GLIS3: variants seen among roughly 807,000 people sequenced by gnomAD.
GLIS3 encodes the protein GLIS family zinc finger 3, also known as zinc finger protein GLIS3.
GLIS3 carries 53 observed loss-of-function variants against 78.6 expected under a neutral mutation model. The ratio of observed to expected loss-of-function variants is 0.67; its 90% CI spans 0.54 to 0.85. The LOEUF (loss-of-function observed/expected upper bound fraction) is 0.85. GLIS3 is among the 40% of genes least tolerant of loss of function. The probability of loss-of-function intolerance (pLI) is 0.00; values close to 1 mark genes in which losing one functional copy is unlikely to be tolerated. For synonymous variants in GLIS3, 684 were observed against 509.9 expected (o/e 1.34, Z -4.60); for missense variants, 1,703 against 1,231.1 (o/e 1.38, Z -5.74).
At chr9:4,178,508 G>A (rs1040005782) in intron 2 of GLIS3, among the ~76,000 whole-genome samples, 23 of 152,324 alleles carry the variant, frequency 1.5e-4, no homozygotes, top group African/African-American at 5.1e-4. Context: ...GACTGCTGCT[G>A]AATACAAATA....
chr9:4,186,865 G>C (rs1817846827), intron 2 of GLIS3, among the ~76,000 whole-genome samples: 1 of 152,008 alleles, frequency 6.6e-6, no homozygotes, highest in Non-Finnish European at 1.5e-5. Flanking sequence ...TTGTAAATTT[G>C]TTTGAGTTCA....
intron 6 of GLIS3, among the ~76,000 whole-genome samples, chr9:3,909,265 CTATTA>C (rs997276150): frequency 6.6e-6 from 1 of 152,130 alleles, no homozygotes. Context: ...ATGAATTAAC[CTATTA>C]TATTAATTAC....
chr9:4,224,391 T>C (rs1821586250), intron 2 of GLIS3, among the ~76,000 whole-genome samples: 2 of 152,212 alleles, frequency 1.3e-5, no homozygotes, highest in Non-Finnish European at 2.9e-5. Context: ...CAAAGGTGTA[T>C]GAATGTTTAC....
At chr9:4,004,343 G>T (rs1301784107) in intron 4 of GLIS3, among the ~76,000 whole-genome samples, 1 of 152,122 alleles carries the variant, frequency 6.6e-6, no homozygotes, top group Non-Finnish European at 1.5e-5. Context: ...ATAACAGATT[G>T]GATGGAAGTG....
chr9:4,294,049 CCCT>C (rs1316156596), intron 1 of GLIS3, among the ~76,000 whole-genome samples: 1 of 152,146 alleles, frequency 6.6e-6, no homozygotes, highest in African/African-American at 2.4e-5. Flanking sequence ...ATGGTCTTTT[CCCT>C]CCTCCTTTAT....
chr9:4,330,635 G>A (rs1199015673), intron 2 of GLIS3, among the ~76,000 whole-genome samples: 1 of 151,912 alleles, frequency 6.6e-6, no homozygotes, highest in African/African-American at 2.4e-5. Flanking sequence ...GGATGGAGAT[G>A]AGGAGAGGTG....
chr9:4,104,384 G>A (rs987879359), intron 4 of GLIS3, among the ~76,000 whole-genome samples: 2 of 152,014 alleles, frequency 1.3e-5, no homozygotes, highest in Non-Finnish European at 2.9e-5. Flanking sequence ...TGTTTAGATA[G>A]CCAGAATCCA....
At chr9:4,365,639 C>G in the GLIS3 span, among the ~76,000 whole-genome samples, 2 of 152,132 alleles carry the variant, frequency 1.3e-5, no homozygotes, top group African/African-American at 4.8e-5. Flanking sequence ...CCCTGACTTG[C>G]TCACTTGGAT....
At chr9:4,223,239 A>C (rs769878709) in intron 2 of GLIS3, among the ~76,000 whole-genome samples, 1 of 152,162 alleles carries the variant, frequency 6.6e-6, no homozygotes, top group Non-Finnish European at 1.5e-5. Flanking sequence ...ATTGCCACAT[A>C]CCTTGAAGTT....
At chr9:3,937,937 G>T (rs1825986020) in intron 4 of GLIS3, among the ~76,000 whole-genome samples, 2 of 152,046 alleles carry the variant, frequency 1.3e-5, no homozygotes, top group African/African-American at 4.8e-5. Context: ...AAGATAAAAG[G>T]CTTAAGATTT....
At chr9:4,007,356 T>C (rs1032031093) in intron 4 of GLIS3, among the ~76,000 whole-genome samples, 1 of 152,094 alleles carries the variant, frequency 6.6e-6, no homozygotes, top group Non-Finnish European at 1.5e-5. Context: ...AAGAGGGAAA[T>C]GAAGTCCAAA....
intron 4 of GLIS3, among the ~76,000 whole-genome samples, chr9:4,073,824 A>G (rs560023159): frequency 1.2e-4 from 19 of 152,336 alleles, no homozygotes; most frequent in African/African-American, 4.3e-4. Context: ...AAGTAAAATT[A>G]CGCATGAAAG....
the GLIS3 span, among the ~76,000 whole-genome samples, chr9:4,451,019 G>T: frequency 2.0e-5 from 3 of 152,168 alleles, no homozygotes; most frequent in East Asian, 5.8e-4. Flanking sequence ...AAATGTAAAT[G>T]GGCTAAATGC....
chr9:4,265,897 G>GTTTTT (rs148160187), intron 2 of GLIS3, among the ~76,000 whole-genome samples: 3,640 of 120,660 alleles, frequency 0.03, 70 homozygotes, highest in Admixed American at 0.046. Context: ...ACTCACCCTG[G>GTTTTT]TTTTTTTTTT....
At chr9:3,867,455 G>A (rs890620619) in intron 8 of GLIS3, among the ~76,000 whole-genome samples, 3 of 152,214 alleles carry the variant, frequency 2.0e-5, no homozygotes, top group Non-Finnish European at 2.9e-5. Flanking sequence ...AGAGGATGAA[G>A]CGTGGCTTTG....
At chr9:4,059,105 A>G (rs184329460) in intron 4 of GLIS3, among the ~76,000 whole-genome samples, 92 of 152,270 alleles carry the variant, frequency 6.0e-4, no homozygotes, top group Non-Finnish European at 1.1e-3. Flanking sequence ...GTGTTACTGC[A>G]GCTTTAATCA....
chr9:4,474,376 T>G, the GLIS3 span, among the ~76,000 whole-genome samples: 3 of 152,038 alleles, frequency 2.0e-5, no homozygotes, highest in Admixed American at 1.3e-4. Context: ...ACAAAAACCC[T>G]AGACGCAGAC....
chr9:4,410,752 T>G, the GLIS3 span, among the ~76,000 whole-genome samples: 1 of 152,210 alleles, frequency 6.6e-6, no homozygotes, highest in East Asian at 1.9e-4. Flanking sequence ...AGGTACTCTT[T>G]GGCAAAATTT....
chr9:3,925,617 G>A (rs1825167519), intron 6 of GLIS3, among the ~76,000 whole-genome samples: 1 of 152,108 alleles, frequency 6.6e-6, no homozygotes, highest in Admixed American at 6.6e-5. Flanking sequence ...GTGTGTGTGT[G>A]TGTGCGCGCG....
Sources: gnomAD v4.1 joint callset for allele counts (sites outside exome capture counted in the v4.1 genomes callset) on GRCh38, gnomAD v4.1.1 for gene constraint, MANE v1.5 for transcripts, NCBI Gene and HGNC (gene_info 2026-07-23, HGNC 2026-07-21) for gene names.